SAMMSON: variants seen among roughly 807,000 people sequenced by gnomAD.
The protein encoded by SAMMSON is survival associated mitochondrial melanoma specific oncogenic non-coding RNA.
At chr3:70,330,600 GT>G (rs1702615142) in intron 7 of SAMMSON, among the ~76,000 whole-genome samples, 1 of 151,966 alleles carries the variant, frequency 6.6e-6, no homozygotes. Flanking sequence ...CATAAAAATT[GT>G]TGTTTATATA....
chr3:70,054,028 T>C (rs2067157269), intron 3 of SAMMSON, among the ~76,000 whole-genome samples: 1 of 152,190 alleles, frequency 6.6e-6, no homozygotes, highest in Admixed American at 6.5e-5. Context: ...TAAGCTCTTT[T>C]ACTTTTGAAT....
chr3:70,193,201 C>T (rs1346631354), intron 4 of SAMMSON, among the ~76,000 whole-genome samples: 1 of 152,156 alleles, frequency 6.6e-6, no homozygotes, highest in East Asian at 1.9e-4. Flanking sequence ...ATTTCTTGTC[C>T]TCTCCCCACA....
intron 4 of SAMMSON, among the ~76,000 whole-genome samples, chr3:70,135,201 A>G (rs558426060): frequency 2.0e-5 from 3 of 152,262 alleles, no homozygotes; most frequent in Admixed American, 6.5e-5. Flanking sequence ...TATCATGTCA[A>G]TATTTCATAA....
At chr3:70,097,874 TTAAAA>T (rs1245393254) in intron 4 of SAMMSON, among the ~76,000 whole-genome samples, 9 of 152,188 alleles carry the variant, frequency 5.9e-5, no homozygotes, top group Non-Finnish European at 1.2e-4. Context: ...TTCATAGTTC[TTAAAA>T]TAAAGCACTT....
At chr3:70,233,698 A>G (rs889595515) in intron 4 of SAMMSON, among the ~76,000 whole-genome samples, 2 of 152,142 alleles carry the variant, frequency 1.3e-5, no homozygotes. Context: ...TCTTCTTACT[A>G]CAGATTGACT....
At chr3:70,032,629 CAT>C (rs755393937) in intron 3 of SAMMSON, among the ~76,000 whole-genome samples, 18 of 152,278 alleles carry the variant, frequency 1.2e-4, no homozygotes, top group Admixed American at 3.9e-4. Context: ...GTGTTCAAAA[CAT>C]GTGGAGTTTG....
chr3:70,413,845 G>C (rs931170306), intron 2 of SAMMSON, among the ~76,000 whole-genome samples: 50 of 152,134 alleles, frequency 3.3e-4, no homozygotes, highest in African/African-American at 1.1e-3. Context: ...ATAATAAATA[G>C]CTCTGCCATT....
At chr3:70,042,824 G>A (rs1223362271) in intron 3 of SAMMSON, among the ~76,000 whole-genome samples, 1 of 152,184 alleles carries the variant, frequency 6.6e-6, no homozygotes, top group East Asian at 1.9e-4. Context: ...ATTCAGAAAG[G>A]AGTCCAAAAT....
At chr3:70,265,336 T>C (rs1034442769) in intron 6 of SAMMSON, among the ~76,000 whole-genome samples, 13 of 152,186 alleles carry the variant, frequency 8.5e-5, no homozygotes, top group Non-Finnish European at 1.5e-5. Flanking sequence ...GTGATATTCT[T>C]TTCACTAATG....
intron 4 of SAMMSON, chr3:70,205,494 A>G (rs979107128): frequency 6.6e-6 from 1 of 152,134 alleles, no homozygotes; most frequent in African/African-American, 2.4e-5. Context: ...AATCACAATC[A>G]TGGCTGAAAT....
At chr3:70,400,920 A>G (rs557861279) in intron 2 of SAMMSON, among the ~76,000 whole-genome samples, 1 of 152,184 alleles carries the variant, frequency 6.6e-6, no homozygotes, top group Non-Finnish European at 1.5e-5. Flanking sequence ...TGACAGAGCA[A>G]GACCCTGTCT....
intron 6 of SAMMSON, among the ~76,000 whole-genome samples, chr3:70,268,730 G>A (rs955323702): frequency 1.3e-5 from 2 of 152,070 alleles, no homozygotes; most frequent in African/African-American, 4.8e-5. Context: ...ATTGATTTTG[G>A]CATCTGCTTT....
At chr3:70,381,178 A>G (rs1158412831) in intron 9 of SAMMSON, among the ~76,000 whole-genome samples, 1 of 152,212 alleles carries the variant, frequency 6.6e-6, no homozygotes, top group Non-Finnish European at 1.5e-5. Context: ...AAAAAGATGT[A>G]GAAACCAATT....
intron 4 of SAMMSON, among the ~76,000 whole-genome samples, chr3:70,214,734 C>T (rs766686462): frequency 5.9e-5 from 9 of 151,364 alleles, no homozygotes; most frequent in Non-Finnish European, 1.2e-4. Flanking sequence ...AAGCTGGTAA[C>T]GAGGAACAAT....
intron 2 of SAMMSON, among the ~76,000 whole-genome samples, chr3:70,013,285 T>A (rs1001345169): frequency 1.2e-4 from 19 of 152,052 alleles, no homozygotes; most frequent in African/African-American, 1.9e-4. Flanking sequence ...TTTCTTTTTT[T>A]AAAAAAATAT....
chr3:70,079,017 A>G (rs749845552), intron 4 of SAMMSON, among the ~76,000 whole-genome samples: 2 of 152,202 alleles, frequency 1.3e-5, no homozygotes, highest in Non-Finnish European at 2.9e-5. Context: ...TTTATGTACT[A>G]TCTATGGCTG....
At chr3:70,205,522 C>T (rs1405861819) in intron 4 of SAMMSON, 2 of 152,036 alleles carry the variant, frequency 1.3e-5, no homozygotes, top group East Asian at 1.9e-4. Context: ...CTTCTGTGTA[C>T]CAACTTTTGT....
intron 2 of SAMMSON, among the ~76,000 whole-genome samples, chr3:70,425,537 T>C (rs1207320238): frequency 1.3e-5 from 2 of 151,788 alleles, no homozygotes. Context: ...TCAGCCTCCC[T>C]AGTAGCTGGG....
intron 3 of SAMMSON, among the ~76,000 whole-genome samples, chr3:70,053,422 A>T (rs1006707139): frequency 6.6e-6 from 1 of 152,132 alleles, no homozygotes; most frequent in Non-Finnish European, 1.5e-5. Context: ...GAACTAACAC[A>T]TAGAAAAGAG....
Sources: allele counts gnomAD v4.1 joint callset (sites outside exome capture counted in the v4.1 genomes callset), GRCh38; gene constraint gnomAD v4.1.1; transcripts MANE v1.5; gene names NCBI Gene and HGNC (gene_info 2026-07-23, HGNC 2026-07-21).